Variants in SH3TC2 observed in about 807,000 individuals in gnomAD.
The protein encoded by SH3TC2 is SH3 domain and tetratricopeptide repeats 2.
SH3TC2 carries 87 observed loss-of-function variants against 124.5 expected under a neutral mutation model. The ratio of observed to expected loss-of-function variants is 0.70; its 90% CI spans 0.59 to 0.84. The LOEUF is 0.84. Among genes scored for constraint, SH3TC2 ranks in the 40% least tolerant of loss-of-function variants. The pLI, the probability that SH3TC2 is intolerant of heterozygous loss-of-function variation, is 0.00. For missense variants in SH3TC2, 1,536 were observed against 1,566.4 expected (o/e 0.98, Z 0.33); for synonymous variants, 634 against 628.5 (o/e 1.01, Z -0.13).
rs769410348 is a variant in SH3TC2, at chr5:149,042,693, C to T, written c.529+1G>A. 2.0e-5 allele frequency: 32 copies of T among 1,614,000 alleles called. No individual in the cohort carries two copies. The highest frequency in any genetic ancestry group is 2.6e-5 in the Non-Finnish European group (31 of 1,179,986). On this transcript the variant is annotated splice_donor_variant, in intron 5 of 16. Coordinates refer to ENST00000515425, the MANE Select transcript of SH3TC2 (RefSeq NM_024577.4). LOFTEE classifies it high-confidence loss of function. ...CATCTCTACCCCTATGCCACACTCA[C>T]CTTCCTGTATCAGGAGTCCCAGGTA...
intron 14 of SH3TC2, 108 bp from the exon 15 acceptor site, chr5:149,009,109 T>A: frequency 7.5e-7 from 1 of 1,324,998 alleles, no homozygotes; most frequent in Non-Finnish European, 1.1e-6. Flanking sequence ...GGCAGTGGAC[T>A]AAAACAAAGG....
In SH3TC2 at chr5:149,059,479, T is replaced by C. The variant is rs185221444; in HGVS notation, c.52+3492A>G. On this transcript the variant is annotated intron_variant, in intron 1 of 16. Transcript: ENST00000515425. ...ACTAAACAGTAAACATTTATCTGCA[T>C]GTTTTTTTTTTCCTGTACCCACATT... is the stretch of plus-strand genomic sequence containing the variant. 2.1e-3 allele frequency among the ~76,000 whole-genome samples: 312 copies of C among 152,062 alleles called. 1 individual carries two copies. Among genetic ancestry groups the C allele is most frequent in the African/African-American group, 7.2e-3 (300 of 41,438 alleles).
In SH3TC2 at chr5:148,996,696, C is replaced by A. The variant is rs913924625; in HGVS notation, c.*8015G>T. ...TATGAAGTAGATGTCAGATATATCC[C>A]CAGATGAACAAACATCAGAAGTTCT... On this transcript the variant is annotated 3_prime_UTR_variant, in exon 17 of 17. Transcript: ENST00000515425. Among the ~76,000 whole-genome samples the A allele has an allele frequency of 6.6e-6, 1 of 152,038 alleles. No homozygotes were observed. Among genetic ancestry groups the A allele is most frequent in the Non-Finnish European group, 1.5e-5 (1 of 68,022 alleles).
chr5:149,029,226 C>T (rs1754139505), intron 9 of SH3TC2, among the ~76,000 whole-genome samples: 1 of 152,204 alleles, frequency 6.6e-6, no homozygotes, highest in Non-Finnish European at 1.5e-5. Context: ...ATCCACTTGG[C>T]AGACATTGGT....
At chr5:149,061,091 G>C (rs149444663) in intron 1 of SH3TC2, among the ~76,000 whole-genome samples, 2 of 152,204 alleles carry the variant, frequency 1.3e-5, no homozygotes, top group East Asian at 3.8e-4. Context: ...GAAAAGTCTC[G>C]AGGGAGATAC....
intron 1 of SH3TC2, chr5:149,057,767 AC>A (rs895023772): frequency 6.6e-6 from 1 of 152,156 alleles, no homozygotes; most frequent in Non-Finnish European, 1.5e-5. Flanking sequence ...CTGGACTCAA[AC>A]CCTGGCTTCT....
rs193067884 is a variant in SH3TC2 at position 149,010,303 on chromosome 5, G to A, written c.3294C>T (p.Thr1098=). Residue 1098 remains threonine (T), a synonymous_variant, in exon 14 of 17, where the codon ACC becomes ACT. Coordinates refer to ENST00000515425, the MANE Select transcript of SH3TC2 (RefSeq NM_024577.4). ...ACTCCACTGCATGATGCCTGTGGCG[G>A]GTCCCATTGAAGAACACATCACCTG... ...EEAGDVFFNG[T]RHRHHAVEYY... 1,004 of 1,614,158 alleles carry A rather than the reference G, an allele frequency of 6.2e-4. 6 individuals carry two copies. In the African/African-American group the frequency reaches 0.011, roughly 17 times the overall value.
chr5:149,060,789 G>A (rs1754733462), intron 1 of SH3TC2, among the ~76,000 whole-genome samples: 1 of 152,128 alleles, frequency 6.6e-6, no homozygotes, highest in Non-Finnish European at 1.5e-5. Context: ...GTCCATGAGA[G>A]GAATTATTAA....
At chr5:149,014,485 T>C (rs775414175) in intron 12 of SH3TC2, among the ~76,000 whole-genome samples, 1 of 152,204 alleles carries the variant, frequency 6.6e-6, no homozygotes, top group Non-Finnish European at 1.5e-5. Flanking sequence ...AAACAAGCAT[T>C]GCTCTCAACT....
Position 149,028,521 on chromosome 5 carries a change from G to T in SH3TC2, c.1211C>A (p.Pro404His). ...CTGATGCTCCTCCCAGGCTCTGCCA[G>T]GCCTGACCTCCTTGAAACCTTCAGG... ...SQPEGFKEVR[P>H]GRAWEEHQAV... is the part of the protein sequence containing the mutation. The change falls in exon 11 of 17, where the codon CCT becomes CAT. Residue 404 changes from proline (P) to histidine (H), a missense_variant. Physicochemically the swap from Pro to His is moderately conservative, Grantham distance 77 (BLOSUM62 -2). Transcript: ENST00000515425. The T allele has an allele frequency of 1.2e-6, 2 of 1,613,978 alleles. No homozygotes were observed. Among genetic ancestry groups the T allele is most frequent in the South Asian group, 2.2e-5 (2 of 91,084 alleles).
chr5:149,006,987 A>G lies in SH3TC2; in HGVS notation c.3569T>C (p.Leu1190Pro). The G allele has an allele frequency of 6.2e-7, 1 of 1,614,170 alleles. No homozygotes were observed. The highest frequency in any genetic ancestry group is 1.3e-5 in the African/African-American group (1 of 75,060). The change falls in exon 16 of 17, where the codon CTG becomes CCG. Residue 1190 changes from leucine to proline, a missense_variant. Physicochemically the swap from Leu to Pro is moderately conservative, Grantham distance 98. Coordinates refer to ENST00000515425, the MANE Select transcript of SH3TC2 (RefSeq NM_024577.4). ...HMYEMAEDCY[L>P]KTLSLCPPWL... is the part of the protein sequence containing the mutation. ...TGGTGGACAGAGGGACAGGGTCTTC[A>G]GGTAGCAGTCCTCAGCCATCTCATA...
At position 149,012,620 on chromosome 5, in the gene SH3TC2, G is replaced by A. The variant is rs200795092; in HGVS notation, c.3168C>T (p.Leu1056=). ...AWLGAGRLHY[L]MQEDELVELC... ...GCTCCACCAGCTCGTCTTCCTGCAT[G>A]AGGTAGTGGAGTCGCCCCGCCCCAA... The change falls in exon 13 of 17, where the codon CTC becomes CTT. Residue 1056 remains leucine (L), a synonymous_variant. Transcript: ENST00000515425. 157 of 1,614,052 alleles carry A rather than the reference G, an allele frequency of 9.7e-5. No individual in the cohort carries two copies. The highest frequency in any genetic ancestry group is 1.3e-4 in the Non-Finnish European group (149 of 1,180,040).
intron 12 of SH3TC2, among the ~76,000 whole-genome samples, chr5:149,017,022 C>A (rs1407919432): frequency 6.6e-6 from 1 of 152,050 alleles, no homozygotes; most frequent in African/African-American, 2.4e-5. Flanking sequence ...TTGAGAGGAC[C>A]TATTATATGC....
In SH3TC2 at chr5:149,052,171, T is replaced by C. The variant is rs759096245; in HGVS notation, c.122A>G (p.Lys41Arg). The C allele has an allele frequency of 3.7e-6, 6 of 1,613,470 alleles. No individual in the cohort carries two copies. In the East Asian group the frequency reaches 1.1e-4, roughly 30 times the overall value. Residue 41 changes from lysine (K) to arginine (R), a missense_variant, in exon 2 of 17, where the codon AAA (lysine) becomes AGA (arginine). Around this residue, in one of 3 missense-constraint regions of SH3TC2, gnomAD observed 1,102 missense variants for 1,098.6 expected, o/e 1.00. Transcript: ENST00000515425. ...ATTAATGTTCTGTGGCAGAAAACAT[T>C]TTTCCTTGTATTCAGATGAGGCTAT... The part of the protein sequence containing the change: ...ECIASSEYKE[K>R]CFLPQNINPD...
At chr5:149,056,285 C>T (rs1754646180) in intron 1 of SH3TC2, among the ~76,000 whole-genome samples, 1 of 152,084 alleles carries the variant, frequency 6.6e-6, no homozygotes, top group Non-Finnish European at 1.5e-5. Flanking sequence ...TCAAGTAGAT[C>T]CCAGTGTCTG....
rs377174177 is a variant in SH3TC2, at chr5:149,028,115, G to A, written c.1617C>T (p.Ile539=). Residue 539 remains isoleucine (I), a synonymous_variant, in exon 11 of 17, where the codon ATC becomes ATT. Transcript: ENST00000515425. Reference sequence around the variant, plus strand: ...TGGCCTGAGAGAGTTTGACCTTCCTGATGCTCAGCCGGCCCAGGAGGAAGC... The same window carrying A: ...TGGCCTGAGAGAGTTTGACCTTCCTAATGCTCAGCCGGCCCAGGAGGAAGC... ...RLCFLLGRLS[I]RKVKLSQARV... The A allele has an allele frequency of 1.2e-6, 2 of 1,614,000 alleles. No homozygotes were observed. The highest frequency in any genetic ancestry group is 2.7e-5 in the African/African-American group (2 of 74,936).
In SH3TC2 at chr5:148,997,799, C is replaced by T. The variant is rs943059962; in HGVS notation, c.*6912G>A. On this transcript the variant is annotated 3_prime_UTR_variant, in exon 17 of 17. Coordinates refer to ENST00000515425, the MANE Select transcript of SH3TC2 (RefSeq NM_024577.4). ...GACAAGCCACATCAATTCTCTAAAC[C>T]TCAGTGGAGATAAAAATAATAGTAA... 4.6e-5 allele frequency among the ~76,000 whole-genome samples: 7 copies of T among 152,180 alleles called. No homozygotes were observed. Among genetic ancestry groups the T allele is most frequent in the African/African-American group, 1.7e-4 (7 of 41,438 alleles).
At position 148,987,228 on chromosome 5, in the gene SH3TC2, A is replaced by G. The variant is rs1222938018; in HGVS notation, c.*17483T>C. 6.6e-6 allele frequency among the ~76,000 whole-genome samples: 1 copy of G among 152,200 alleles called. No individual in the cohort carries two copies. Among genetic ancestry groups the G allele is most frequent in the Non-Finnish European group, 1.5e-5 (1 of 68,030 alleles). ...GAGGAGAAAAAGCACATTTTTGCCA[A>G]TGGTCTTTGTTCTGAACAAAGATTG... On this transcript the variant is annotated 3_prime_UTR_variant, in exon 17 of 17. Transcript: ENST00000515425.
intron 9 of SH3TC2, 80 bp downstream of exon 9, chr5:149,031,474 G>T (rs1291562828): frequency 1.5e-5 from 24 of 1,572,348 alleles, no homozygotes; most frequent in Non-Finnish European, 1.1e-5. Flanking sequence ...GAATTTAGGG[G>T]TATTCTATTC....
Sources: allele counts gnomAD v4.1 joint callset (sites outside exome capture counted in the v4.1 genomes callset), GRCh38; gene constraint gnomAD v4.1.1; regional missense constraint gnomAD v4.1.1; transcripts MANE v1.5; gene names NCBI Gene and HGNC (gene_info 2026-07-23, HGNC 2026-07-21).